PRUNE2: variants seen among roughly 807,000 people sequenced by gnomAD.
PRUNE2 encodes the protein protein prune homolog 2.
In PRUNE2, 164 loss-of-function variants were observed where a neutral mutation model predicts 252.0. The observed-to-expected ratio is 0.65, with a 90% CI of 0.57 to 0.74. PRUNE2 has a LOEUF of 0.74. Among genes scored for constraint, PRUNE2 ranks in the 30% least tolerant of loss-of-function variants. PRUNE2 has a pLI of 0.00. For missense variants in PRUNE2, 3,495 were observed against 3,711.0 expected (o/e 0.94, Z 1.51); for synonymous variants, 1,292 against 1,350.2 (o/e 0.96, Z 0.94).
intron 1 of PRUNE2, among the ~76,000 whole-genome samples, chr9:76,861,546 C>G (rs1212166877): frequency 6.6e-6 from 1 of 152,092 alleles, no homozygotes. Context: ...AAACCTAAAC[C>G]CAAAGCCTCA....
chr9:76,810,000 G>A lies in PRUNE2; in HGVS notation c.756+13632C>T, dbSNP rs1251641863. On this transcript the variant is annotated intron_variant, in intron 6 of 18. Coordinates refer to ENST00000376718, the MANE Select transcript of PRUNE2 (RefSeq NM_015225.3). ...GAGAGCTTCATTGTTTGGGCTTCAC[G>A]GGCAGGAAGGTTCAACATGACTGTT... 3.3e-5 allele frequency among the ~76,000 whole-genome samples: 5 copies of A among 152,226 alleles called. No individual in the cohort carries two copies. The East Asian group carries it at 5.8e-4, about 18-fold the overall frequency.
intron 6 of PRUNE2, among the ~76,000 whole-genome samples, chr9:76,795,071 T>C (rs2055951761): frequency 6.6e-6 from 1 of 152,124 alleles, no homozygotes; most frequent in Non-Finnish European, 1.5e-5. Flanking sequence ...AAGCCTTACC[T>C]GGGAATGGGG....
At chr9:76,683,856 A>G (rs1191148809) in intron 9 of PRUNE2, among the ~76,000 whole-genome samples, 4 of 151,552 alleles carry the variant, frequency 2.6e-5, no homozygotes, top group Admixed American at 1.3e-4. Flanking sequence ...TTGTGTATGT[A>G]TATATACATA....
At chr9:76,704,149 A>T (rs1231806197) in intron 8 of PRUNE2, 50 bp from the exon 9 acceptor site, 1 of 1,298,402 alleles carries the variant, frequency 7.7e-7, no homozygotes, top group East Asian at 2.3e-5. Flanking sequence ...TTTAATTAAC[A>T]CATTGTGTGA....
At chr9:76,637,976 T>A (rs1840864132) in intron 13 of PRUNE2, among the ~76,000 whole-genome samples, 1 of 152,254 alleles carries the variant, frequency 6.6e-6, no homozygotes, top group Non-Finnish European at 1.5e-5. Flanking sequence ...AAAATTCTGT[T>A]CATCTTGGTT....
intron 6 of PRUNE2, among the ~76,000 whole-genome samples, chr9:76,746,730 A>C (rs1402975361): frequency 3.3e-5 from 5 of 150,656 alleles, no homozygotes; most frequent in Non-Finnish European, 7.4e-5. Context: ...AAAAAAAAAA[A>C]AAAAAAAAAA....
chr9:76,800,151 T>C (rs1412308995), intron 6 of PRUNE2, among the ~76,000 whole-genome samples: 1 of 152,170 alleles, frequency 6.6e-6, no homozygotes, highest in African/African-American at 2.4e-5. Flanking sequence ...GCTGCACCCA[T>C]TAACTCGTCA....
intron 15 of PRUNE2, among the ~76,000 whole-genome samples, chr9:76,632,104 C>T (rs1316036258): frequency 6.6e-6 from 1 of 152,188 alleles, no homozygotes. Context: ...CTGCGATGAA[C>T]ATACATGTGC....
intron 6 of PRUNE2, among the ~76,000 whole-genome samples, chr9:76,752,315 T>C (rs2050701028): frequency 6.6e-6 from 1 of 152,244 alleles, no homozygotes; most frequent in East Asian, 1.9e-4. Context: ...GCCAGGATGG[T>C]CGCGATCTCC....
Position 76,629,251 on chromosome 9 carries a change from T to A in PRUNE2, c.9090A>T (p.Leu3030Phe). ...TTGGGATCAGCCCACTGAGTTCTGA[T>A]AAGCTATTGACATATTTAATTTTAC... is the stretch of plus-strand genomic sequence containing the variant. ...FSSKIKYVNS[L>F]SELSGLIPMD... Residue 3030 changes from leucine (L) to phenylalanine (F), a missense_variant, in exon 16 of 19, where the codon TTA (leucine) becomes TTT (phenylalanine). Physicochemically the swap from Leu to Phe is conservative, Grantham distance 22 (BLOSUM62 0). Transcript: ENST00000376718. 1 of 1,600,406 alleles carries A rather than the reference T, an allele frequency of 6.2e-7. No individual in the cohort carries two copies. The highest frequency in any genetic ancestry group is 1.1e-5 in the South Asian group (1 of 89,426).
Position 76,796,672 on chromosome 9 carries a change from T to C in PRUNE2, c.756+26960A>G, listed in dbSNP as rs190862901. 3.8e-3 allele frequency among the ~76,000 whole-genome samples: 584 copies of C among 152,306 alleles called. 6 individuals are homozygous for C. Among genetic ancestry groups the C allele is most frequent in the African/African-American group, 0.014 (562 of 41,574 alleles). On this transcript the variant is annotated intron_variant, in intron 6 of 18. Coordinates refer to ENST00000376718, the MANE Select transcript of PRUNE2 (RefSeq NM_015225.3). Reference sequence around the variant, plus strand: ...GTCAACTTGACTGCCACATGGGATGTCCGGACATTTGGCCAAACATTACAT... The same window carrying C: ...GTCAACTTGACTGCCACATGGGATGCCCGGACATTTGGCCAAACATTACAT...
intron 6 of PRUNE2, among the ~76,000 whole-genome samples, chr9:76,790,693 G>C (rs1267313047): frequency 6.6e-6 from 1 of 152,196 alleles, no homozygotes; most frequent in Non-Finnish European, 1.5e-5. Context: ...CACTGGATGT[G>C]GATGTGTGTT....
intron 1 of PRUNE2, among the ~76,000 whole-genome samples, chr9:76,905,515 C>T (rs1479359804): frequency 6.6e-6 from 1 of 152,228 alleles, no homozygotes; most frequent in African/African-American, 2.4e-5. Context: ...TTTGTCACCT[C>T]CAGCTGAAGT....
At position 76,905,126 on chromosome 9, in the gene PRUNE2, C is replaced by T. The variant is rs73464311; in HGVS notation, c.36+802G>A. ...TTTTCTGCCAAAACAGAAACATTTC[C>T]ATTATGTTTATTACTGCTGTGCTGG... is the stretch of plus-strand genomic sequence containing the variant. On this transcript the variant is annotated intron_variant, in intron 1 of 18. Transcript: ENST00000376718. Among the ~76,000 whole-genome samples, 244 of 152,012 alleles carry T rather than the reference C, an allele frequency of 1.6e-3. 1 individual carries two copies. The highest frequency in any genetic ancestry group is 5.6e-3 in the African/African-American group (232 of 41,436).
chr9:76,670,366 C>A (rs1261027205), intron 9 of PRUNE2, among the ~76,000 whole-genome samples: 1 of 152,040 alleles, frequency 6.6e-6, no homozygotes, highest in East Asian at 1.9e-4. Flanking sequence ...CGGCACACCA[C>A]GAGATTATAT....
Position 76,638,275 on chromosome 9 carries a change from G to A in PRUNE2, c.8742C>T (p.Asp2914=), listed in dbSNP as rs377170480. 7.4e-5 allele frequency: 119 copies of A among 1,612,584 alleles called. 1 individual carries two copies. The highest frequency in any genetic ancestry group is 9.0e-5 in the Non-Finnish European group (106 of 1,178,886). ...CAAACACAATGATGGCATTTAGACC[G>A]TCCCCATAGTATCCTGGGGGACAAA... The part of the protein sequence containing the change: ...RVISHGGYYG[D]GLNAIIVFAA... Residue 2914 remains aspartate (D), a synonymous_variant, in exon 13 of 19, where the codon GAC becomes GAT. Coordinates refer to ENST00000376718, the MANE Select transcript of PRUNE2 (RefSeq NM_015225.3).
intron 1 of PRUNE2, among the ~76,000 whole-genome samples, chr9:76,893,688 A>AAATG (rs1194821867): frequency 6.6e-6 from 1 of 152,234 alleles, no homozygotes; most frequent in Non-Finnish European, 1.5e-5. Flanking sequence ...CAGAAGTGAG[A>AAATG]AATGCATTTG....
chr9:76,770,883 A>T (rs902812556), intron 6 of PRUNE2, among the ~76,000 whole-genome samples: 2 of 152,194 alleles, frequency 1.3e-5, no homozygotes, highest in African/African-American at 4.8e-5. Flanking sequence ...ATCAATGCGA[A>T]AGTAAATTTG....
At chr9:76,879,821 G>T (rs2061660049) in intron 1 of PRUNE2, among the ~76,000 whole-genome samples, 1 of 140,510 alleles carries the variant, frequency 7.1e-6, no homozygotes, top group South Asian at 2.3e-4. Flanking sequence ...TTAACACAAG[G>T]CCCCGTTTTT....
Sources: gnomAD v4.1 joint callset for allele counts (sites outside exome capture counted in the v4.1 genomes callset) on GRCh38, gnomAD v4.1.1 for gene constraint, MANE v1.5 for transcripts, NCBI Gene and HGNC (gene_info 2026-07-23, HGNC 2026-07-21) for gene names.